The following TTN variants were observed in gnomAD, a reference collection of about 807,000 sequenced individuals.
TTN encodes the protein connectin.
TTN carries 1,525 observed loss-of-function variants against 3,223.0 expected under a neutral mutation model. That is an observed-to-expected ratio of 0.47 (90% CI 0.45 to 0.49). The LOEUF (loss-of-function observed/expected upper bound fraction) is 0.49, where lower values mean the gene tolerates loss of function less well. TTN is among the 20% of genes least tolerant of loss of function. TTN has a pLI of 0.00. For missense variants in TTN, 40,786 were observed against 43,424.0 expected (o/e 0.94, Z 5.40); for synonymous variants, 14,094 against 15,161.0 (o/e 0.93, Z 5.17).
At chr2:178,619,433 T>C (rs2154210446) in intron 250 of TTN, 188 bp downstream of exon 250, 1 of 652,440 alleles carries the variant, frequency 1.5e-6, no homozygotes, top group East Asian at 2.8e-5. Flanking sequence ...CATGTAAAGA[T>C]TATTGCTATT....
chr2:178,672,500 A>T lies in TTN; in HGVS notation c.34856-19T>A. On this transcript the variant is annotated intron_variant, in intron 153 of 362. Coordinates refer to ENST00000589042, the MANE Select transcript of TTN (RefSeq NM_001267550.2). Reference sequence around the variant, plus strand: ...TCAGGCACTTTAAAGATACAGTTTTAATATTTAGGACTGTCGAGAGCAAGC... The same window carrying T: ...TCAGGCACTTTAAAGATACAGTTTTTATATTTAGGACTGTCGAGAGCAAGC... 2 of 1,603,112 alleles carry T rather than the reference A, an allele frequency of 1.2e-6. No individual in the cohort carries two copies. Among genetic ancestry groups the T allele is most frequent in the African/African-American group, 2.7e-5 (2 of 74,162 alleles).
chr2:178,759,177 G>A lies in TTN; in HGVS notation c.10115-5C>T, dbSNP rs527370500. 9.3e-6 allele frequency: 15 copies of A among 1,613,668 alleles called. No homozygotes were observed. The highest frequency in any genetic ancestry group is 1.7e-4 in the Middle Eastern group (1 of 6,058). On this transcript the variant is annotated splice_polypyrimidine_tract_variant and splice_region_variant and intron_variant, in intron 43 of 362. Coordinates refer to ENST00000589042, the MANE Select transcript of TTN (RefSeq NM_001267550.2). ...TGTACCACGACACTTTTAGATCTGCGACACAAAAGAAAAGAGATACTTCAA... is the reference window on the plus strand; with the variant it reads ...TGTACCACGACACTTTTAGATCTGCAACACAAAAGAAAAGAGATACTTCAA...
intron 134 of TTN, 118 bp downstream of exon 134, chr2:178,683,093 A>G (rs2069872634): frequency 2.1e-6 from 2 of 960,976 alleles, no homozygotes; most frequent in Non-Finnish European, 3.3e-6. Flanking sequence ...TTCAAATGTT[A>G]TATACCCTGC....
intron 47 of TTN, among the ~76,000 whole-genome samples, chr2:178,744,035 T>A (rs944767121): frequency 6.6e-6 from 1 of 151,934 alleles, no homozygotes; most frequent in African/African-American, 2.4e-5. Flanking sequence ...TGTTAGAGAA[T>A]TCCCATGTTG....
At position 178,769,697 on chromosome 2, in the gene TTN, C is replaced by G. The variant is rs765523736; in HGVS notation, c.8884G>C (p.Ala2962Pro). 7.4e-6 allele frequency: 12 copies of G among 1,610,836 alleles called. No individual in the cohort carries two copies. The East Asian group carries it at 8.9e-5, about 12-fold the overall frequency. The change falls in exon 37 of 363, where the codon GCC becomes CCC. Residue 2962 changes from alanine to proline, a missense_variant. Transcript: ENST00000589042. ...AACTTACGGGTGACTGTCAGGGTGG[C>G]ACTGACTTGGTCATTGCCACAGACA... ...TFVCGNDQVS[A>P]TLTVTPIMIT...
chr2:178,629,245 A>C (rs768117620), intron 240 of TTN, 56 bp downstream of exon 240: 484 of 1,590,358 alleles, frequency 3.0e-4, no homozygotes, highest in Non-Finnish European at 3.9e-4. Flanking sequence ...CATACAAGTG[A>C]AGGTGGAAGA....
At position 178,727,603 on chromosome 2, in the gene TTN, T is replaced by C. The variant is rs768775530; in HGVS notation, c.19975A>G (p.Thr6659Ala). Residue 6659 changes from threonine (T) to alanine (A), a missense_variant, in exon 68 of 363, where the codon ACG (threonine) becomes GCG (alanine). Thr to Ala is a moderately conservative substitution (Grantham distance 58). Coordinates refer to ENST00000589042, the MANE Select transcript of TTN (RefSeq NM_001267550.2). ...TNDVGSDSCT[T>A]MLLVTEPPKF... ...TGCACACCTGTCACAAGCAACATCG[T>C]AGTACAAGAGTCGCTACCAACATCA... 2 of 1,581,586 alleles carry C rather than the reference T, an allele frequency of 1.3e-6. No individual in the cohort carries two copies. Among genetic ancestry groups the C allele is most frequent in the Admixed American group, 3.6e-5 (2 of 54,910 alleles).
In TTN at chr2:178,538,575, C is replaced by T. The variant is rs777035261; in HGVS notation, c.99254G>A (p.Arg33085His). Reference protein sequence around the residue: ...AENETGLSRPRRTAMSIKTKL... With the variant: ...AENETGLSRPHRTAMSIKTKL... ...AGTCTTTATAGACATAGCAGTTCTGCGAGGTCTGCTCAGCCCAGTCTCATT... is the reference window on the plus strand; with the variant it reads ...AGTCTTTATAGACATAGCAGTTCTGTGAGGTCTGCTCAGCCCAGTCTCATT... The change falls in exon 354 of 363, where the codon CGC becomes CAC. Residue 33085 changes from arginine (R) to histidine (H), a missense_variant. By Grantham distance (29) the Arg-to-His change is conservative. Transcript: ENST00000589042. 121 of 1,613,136 alleles carry T rather than the reference C, an allele frequency of 7.5e-5. No homozygotes were observed. Among genetic ancestry groups the T allele is most frequent in the Non-Finnish European group, 8.8e-5 (104 of 1,179,514 alleles).
Position 178,689,503 on chromosome 2 carries a change from G to T in TTN, c.31927+12C>A, listed in dbSNP as rs769983526. 1 of 1,607,232 alleles carries T rather than the reference G, an allele frequency of 6.2e-7. No homozygotes were observed. Among genetic ancestry groups the T allele is most frequent in the Non-Finnish European group, 8.5e-7 (1 of 1,175,970 alleles). On this transcript the variant is annotated intron_variant, in intron 123 of 362. Coordinates refer to ENST00000589042, the MANE Select transcript of TTN (RefSeq NM_001267550.2). ...AAAGACAAGGTTATTTCATGGAGAT[G>T]GGATTAAGTACCTGCTGGTGGTGGA...
At position 178,718,357 on chromosome 2, in the gene TTN, C is replaced by G. The variant is rs1311136102; in HGVS notation, c.24749G>C (p.Gly8250Ala). 3 of 1,613,606 alleles carry G rather than the reference C, an allele frequency of 1.9e-6. No individual in the cohort carries two copies. Among genetic ancestry groups the G allele is most frequent in the Non-Finnish European group, 2.5e-6 (3 of 1,179,728 alleles). ...QYSCLIENEA[G>A]QDICEALVSV... ...CACCAGAGCTTCACAGATATCTTGA[C>G]CAGCCTCATTTTCTATCAGGCAGCT... The change falls in exon 85 of 363, where the codon GGT (glycine) becomes GCT (alanine). Residue 8250 changes from glycine to alanine, a missense_variant. By Grantham distance (60) the Gly-to-Ala change is moderately conservative. Transcript: ENST00000589042.
chr2:178,589,870 C>G lies in TTN; in HGVS notation c.61855G>C (p.Val20619Leu). ...AATCGTTTAGTGACATCTGATGCAA[C>G]AATTGACCAGCCTTTCTGGTTTGGT... ...RKPNQKGWSI[V>L]ASDVTKRLIK... The change falls in exon 304 of 363, where the codon GTT becomes CTT. Residue 20619 changes from valine to leucine, a missense_variant. Coordinates refer to ENST00000589042, the MANE Select transcript of TTN (RefSeq NM_001267550.2). The G allele has an allele frequency of 6.2e-7, 1 of 1,613,420 alleles. No individual in the cohort carries two copies. Among genetic ancestry groups the G allele is most frequent in the South Asian group, 1.1e-5 (1 of 91,068 alleles).
chr2:178,757,842 G>T lies in TTN; in HGVS notation c.10378C>A (p.Pro3460Thr). 6.3e-7 allele frequency: 1 copy of T among 1,589,766 alleles called. No homozygotes were observed. Among genetic ancestry groups the T allele is most frequent in the Non-Finnish European group, 8.6e-7 (1 of 1,168,214 alleles). The part of the protein sequence containing the change: ...VSLSVSFKKE[P>T]LGQKPSFIQP... ...ATGAAGCTGGGCTTTTGGCCAAGGG[G>T]CTCCTTCTTAAATGAAACTGATAAA... is the stretch of plus-strand genomic sequence containing the variant. Residue 3460 changes from proline (P) to threonine (T), a missense_variant, in exon 45 of 363, where the codon CCC (proline) becomes ACC (threonine). Transcript: ENST00000589042.
chr2:178,617,945 A>G lies in TTN; in HGVS notation c.47406T>C (p.Ser15802=). 2.5e-6 allele frequency: 4 copies of G among 1,612,702 alleles called. No individual in the cohort carries two copies. The highest frequency in any genetic ancestry group is 3.4e-6 in the Non-Finnish European group (4 of 1,179,120). ...NYVIELRDKT[S]IRWDTAMTVR... The stretch of plus-strand genomic sequence containing the variant: ...CAGTCATGGCAGTATCCCACCTGAT[A>G]GAAGTCTTGTCTCTTAATTCAATGA... Residue 15802 remains serine (S), a synonymous_variant, in exon 253 of 363, where the codon TCT becomes TCC. Transcript: ENST00000589042.
At position 178,702,021 on chromosome 2, in the gene TTN, T is replaced by G. The variant is rs778817483; in HGVS notation, c.30538+19A>C. Reference sequence around the variant, plus strand: ...CAAATTTATTGTAAGCAAGGATTGATTTTTACAAAACAACTTACCAGGAGG... The same window carrying G: ...CAAATTTATTGTAAGCAAGGATTGAGTTTTACAAAACAACTTACCAGGAGG... On this transcript the variant is annotated intron_variant, in intron 109 of 362. Transcript: ENST00000589042. The G allele has an allele frequency of 6.2e-7, 1 of 1,607,936 alleles. No homozygotes were observed. The highest frequency in any genetic ancestry group is 2.2e-5 in the East Asian group (1 of 44,822).
At position 178,548,278 on chromosome 2, in the gene TTN, T is replaced by G. The variant is rs750732179; in HGVS notation, c.93348A>C (p.Pro31116=). Residue 31116 remains proline (P), a synonymous_variant, in exon 339 of 363, where the codon CCA becomes CCC. Coordinates refer to ENST00000589042, the MANE Select transcript of TTN (RefSeq NM_001267550.2). This position sits in a 1 kb window ranked among gnomAD's most constrained non-coding sequence, Gnocchi z 4.3. The part of the protein sequence containing the change: ...EPIVATEQPA[P]PRRLDVVDTS... ...TATCAACAACATCAAGTCTCCTAGG[T>G]GGAGCAGGCTGTTCTGTGGCTACAA... 9 of 1,613,698 alleles carry G rather than the reference T, an allele frequency of 5.6e-6. No individual in the cohort carries two copies. Among genetic ancestry groups the G allele is most frequent in the South Asian group, 1.1e-5 (1 of 91,078 alleles).
chr2:178,602,196 A>G (rs1194476755), intron 283 of TTN, 46 bp from the exon 284 acceptor site: 1 of 1,592,994 alleles, frequency 6.3e-7, no homozygotes, highest in Admixed American at 1.8e-5. Flanking sequence ...CATATTTGTC[A>G]AAAGTAATTG....
In TTN at chr2:178,621,769, C is replaced by T. The variant is rs1404663486; in HGVS notation, c.45083-28G>A. ...GCAAGCATTGAAAAAACAAAAACCA[C>T]ATTGAGTTAAGCTGGAAATTATTAT... On this transcript the variant is annotated intron_variant, in intron 244 of 362. Transcript: ENST00000589042. 3 of 1,609,004 alleles carry T rather than the reference C, an allele frequency of 1.9e-6. No homozygotes were observed. In the Admixed American group the frequency reaches 5.1e-5, roughly 27 times the overall value.
At position 178,612,380 on chromosome 2, in the gene TTN, C is replaced by T. The variant is rs1224892353; in HGVS notation, c.50145G>A (p.Leu16715=). 1 of 1,612,546 alleles carries T rather than the reference C, an allele frequency of 6.2e-7. No individual in the cohort carries two copies. The highest frequency in any genetic ancestry group is 8.5e-7 in the Non-Finnish European group (1 of 1,179,220). Residue 16715 remains leucine, a synonymous_variant, in exon 266 of 363, where the codon CTG becomes CTA. Coordinates refer to ENST00000589042, the MANE Select transcript of TTN (RefSeq NM_001267550.2). The part of the protein sequence containing the change: ...VKDTKCTVTP[L]TEGSLYVFRV... ...GGAACACATATAAAGAGCCCTCAGT[C>T]AGTGGGGTGACTGTGCACTTGGTGT...
At position 178,564,895 on chromosome 2, in the gene TTN, A is replaced by C; in HGVS notation, c.81237T>G (p.Pro27079=). 6.2e-7 allele frequency: 1 copy of C among 1,612,578 alleles called. No homozygotes were observed. The highest frequency in any genetic ancestry group is 8.5e-7 in the Non-Finnish European group (1 of 1,179,400). ...GATCTTTTGAGATTGATGTCACAAAAGGAGTTCCAGGTGGTCCAGGTTCTT... is the reference window on the plus strand; with the variant it reads ...GATCTTTTGAGATTGATGTCACAAACGGAGTTCCAGGTGGTCCAGGTTCTT... ...PFKEPGPPGT[P]FVTSISKDQM... The change falls in exon 326 of 363, where the codon CCT becomes CCG. Residue 27079 remains proline (P), a synonymous_variant. Transcript: ENST00000589042.
Sources: gnomAD v4.1 joint callset for allele counts (sites outside exome capture counted in the v4.1 genomes callset) on GRCh38, gnomAD v4.1.1 for gene constraint, Gnocchi (gnomAD v3.1) non-coding constraint, MANE v1.5 for transcripts, NCBI Gene and HGNC (gene_info 2026-07-23, HGNC 2026-07-21) for gene names.